Variants in WDR64 observed in about 807,000 individuals in gnomAD.
WDR64 encodes WD repeat-containing protein 64.
WDR64 carries 112 observed loss-of-function variants against 139.3 expected under a neutral mutation model. That is an observed-to-expected ratio of 0.80 (90% confidence interval 0.69 to 0.94). The LOEUF (loss-of-function observed/expected upper bound fraction) is 0.94, where lower values mean the gene tolerates loss of function less well. Among genes scored for constraint, WDR64 ranks in the 40% least tolerant of loss-of-function variants. The pLI is 0.00. For synonymous variants in WDR64, 444 were observed against 437.7 expected (o/e 1.01, Z -0.18); for missense variants, 1,206 against 1,293.1 (o/e 0.93, Z 1.03).
At chr1:241,686,301 G>A (rs67239029) in intron 7 of WDR64, among the ~76,000 whole-genome samples, 12,555 of 152,206 alleles carry the variant, frequency 0.082, 868 homozygotes, top group East Asian at 0.35. Flanking sequence ...GGGTGGATAT[G>A]GGGGTAGTAA....
chr1:241,675,437 T>C (rs74150349), intron 4 of WDR64, among the ~76,000 whole-genome samples: 2,606 of 152,162 alleles, frequency 0.017, 76 homozygotes, highest in African/African-American at 0.059. Context: ...AATGAGGAGA[T>C]TGCTGTGCTC....
chr1:241,761,550 T>G (rs1657902509), intron 15 of WDR64, among the ~76,000 whole-genome samples: 1 of 151,504 alleles, frequency 6.6e-6, no homozygotes, highest in South Asian at 2.1e-4. Context: ...GTATATTAGA[T>G]ACATTAGAAA....
chr1:241,759,668 A>G (rs1439028393), intron 15 of WDR64, among the ~76,000 whole-genome samples: 1 of 152,140 alleles, frequency 6.6e-6, no homozygotes, highest in East Asian at 1.9e-4. Context: ...GGAGACCATT[A>G]TAAGCAGTAT....
At chr1:241,748,932 T>C (rs965695534) in intron 13 of WDR64, among the ~76,000 whole-genome samples, 1 of 143,966 alleles carries the variant, frequency 6.9e-6, no homozygotes, top group Non-Finnish European at 1.5e-5. Flanking sequence ...AGTGAGACTC[T>C]TGTCTTAAAA....
At chr1:241,777,637 C>T (rs1008528392) in intron 21 of WDR64, among the ~76,000 whole-genome samples, 7 of 151,770 alleles carry the variant, frequency 4.6e-5, no homozygotes, top group Admixed American at 6.6e-5. Context: ...AGGCTGGTTT[C>T]GAACTCCTGA....
At position 241,796,360 on chromosome 1, in the gene WDR64, A is replaced by T; in HGVS notation, c.3182A>T (p.Gln1061Leu). 2.5e-6 allele frequency: 4 copies of T among 1,611,602 alleles called. No homozygotes were observed. Among genetic ancestry groups the T allele is most frequent in the Non-Finnish European group, 3.4e-6 (4 of 1,178,272 alleles). Reference sequence around the variant, plus strand: ...GGAAAGAAGAAGGGAGGTCATGTTCAACGTGAAAAAGTAAGTTAGTACTAA... The same window carrying T: ...GGAAAGAAGAAGGGAGGTCATGTTCTACGTGAAAAAGTAAGTTAGTACTAA... ...ITGKKKGGHV[Q>L]REKAPRRRSL... Residue 1061 changes from glutamine to leucine, a missense_variant, in exon 27 of 28, where the codon CAA (glutamine) becomes CTA (leucine). Coordinates refer to ENST00000437684, the MANE Select transcript of WDR64 (RefSeq NM_001367482.1).
At chr1:241,784,788 T>G (rs1487034474) in intron 23 of WDR64, among the ~76,000 whole-genome samples, 1 of 151,666 alleles carries the variant, frequency 6.6e-6, no homozygotes, top group Non-Finnish European at 1.5e-5. Context: ...ACCCTGTCTC[T>G]ACTGCGAATA....
chr1:241,788,160 A>G, intron 24 of WDR64, 126 bp downstream of exon 24: 1 of 760,340 alleles, frequency 1.3e-6, no homozygotes, highest in Non-Finnish European at 1.9e-6. Context: ...TTTGTAATCC[A>G]GTGGAAGGGA....
chr1:241,780,067 G>C lies in WDR64; in HGVS notation c.2595+5G>C, dbSNP rs1658791938. On this transcript the variant is annotated splice_donor_5th_base_variant and intron_variant, in intron 22 of 27. Coordinates refer to ENST00000437684, the MANE Select transcript of WDR64 (RefSeq NM_001367482.1). ...GATCCACCTCATGATGAAAAGGTAA[G>C]AACTTCAGTTTTCCACTTTAATTTA... 2.5e-6 allele frequency: 4 copies of C among 1,589,872 alleles called. No individual in the cohort carries two copies. In the South Asian group the frequency reaches 4.6e-5, roughly 18 times the overall value.
intron 13 of WDR64, among the ~76,000 whole-genome samples, chr1:241,745,495 G>A (rs1669724697): frequency 6.9e-6 from 1 of 144,472 alleles, no homozygotes; most frequent in Non-Finnish European, 1.5e-5. Context: ...TTCAATATAT[G>A]ACTGACAATA....
intron 8 of WDR64, 103 bp downstream of exon 8, chr1:241,687,698 A>T: frequency 3.3e-6 from 4 of 1,198,234 alleles, no homozygotes; most frequent in South Asian, 1.6e-5. Context: ...CTTTAAAAAA[A>T]TCGGACATTA....
At chr1:241,719,185 G>A (rs896459382) in intron 9 of WDR64, among the ~76,000 whole-genome samples, 1 of 151,890 alleles carries the variant, frequency 6.6e-6, no homozygotes, top group African/African-American at 2.4e-5. Context: ...TTTTTTGTTT[G>A]AATACATGTT....
At position 241,788,043 on chromosome 1, in the gene WDR64, A is replaced by G. The variant is rs999654327; in HGVS notation, c.2891+9A>G. The G allele has an allele frequency of 1.3e-6, 2 of 1,569,806 alleles. No homozygotes were observed. Among genetic ancestry groups the G allele is most frequent in the East Asian group, 4.6e-5 (2 of 43,874 alleles). ...ATATTTGACCGGGAAAAGTAAGACCATTAGCTCTTCTTTAGATAAGCATAC... is the reference window on the plus strand; with the variant it reads ...ATATTTGACCGGGAAAAGTAAGACCGTTAGCTCTTCTTTAGATAAGCATAC... On this transcript the variant is annotated intron_variant, in intron 24 of 27. Transcript: ENST00000437684.
At chr1:241,667,193 T>A (rs1199760285) in intron 2 of WDR64, among the ~76,000 whole-genome samples, 2 of 152,244 alleles carry the variant, frequency 1.3e-5, no homozygotes, top group Non-Finnish European at 2.9e-5. Context: ...TTCATTAATG[T>A]AGAAACAAAG....
chr1:241,801,771 T>A lies in WDR64; in HGVS notation c.*556T>A. The A allele has an allele frequency of 2.5e-6, 1 of 398,268 alleles. No individual in the cohort carries two copies. The allele number at this position is 398,268 out of a possible 1,614,324, so 24.7% of individuals were successfully genotyped here. A position where few individuals can be genotyped will look rare whatever the true frequency, so the allele number is the denominator to read the frequency against. ...TAGTCCAGACCTGACTCCAGATAAA[T>A]ATAAAAGACGGCAAAGAAAGGAAGA... On this transcript the variant is annotated 3_prime_UTR_variant, in exon 28 of 28. Transcript: ENST00000437684.
At chr1:241,702,062 A>G (rs996774211) in intron 8 of WDR64, among the ~76,000 whole-genome samples, 1 of 152,224 alleles carries the variant, frequency 6.6e-6, no homozygotes, top group African/African-American at 2.4e-5. Context: ...GGAGTTCTGT[A>G]CTAGCAAGAA....
At chr1:241,747,951 G>A (rs75569880) in intron 13 of WDR64, among the ~76,000 whole-genome samples, 1,962 of 152,244 alleles carry the variant, frequency 0.013, 96 homozygotes, top group Admixed American at 0.1. Context: ...AGAGTACAGC[G>A]CTTCTAAAAG....
At chr1:241,733,733 TC>T (rs1176251722) in intron 10 of WDR64, among the ~76,000 whole-genome samples, 1 of 151,880 alleles carries the variant, frequency 6.6e-6, no homozygotes, top group African/African-American at 2.4e-5. Context: ...AAGCCACCTG[TC>T]CTCCTTGATT....
At chr1:241,750,430 A>G (rs1426269453) in intron 14 of WDR64, among the ~76,000 whole-genome samples, 1 of 152,190 alleles carries the variant, frequency 6.6e-6, no homozygotes, top group Non-Finnish European at 1.5e-5. Context: ...ATAACTGATG[A>G]CCTAAGAATG....
Sources: gnomAD v4.1 joint callset for allele counts (sites outside exome capture counted in the v4.1 genomes callset) on GRCh38, gnomAD v4.1.1 for gene constraint, MANE v1.5 for transcripts, NCBI Gene and HGNC (gene_info 2026-07-23, HGNC 2026-07-21) for gene names.